NELL1: variants seen among roughly 807,000 people sequenced by gnomAD.
The protein encoded by NELL1 is neural EGFL like 1, also known as protein kinase C-binding protein NELL1.
NELL1 carries 76 observed loss-of-function variants against 107.4 expected under a neutral mutation model. The ratio of observed to expected loss-of-function variants is 0.71; its 90% CI spans 0.59 to 0.86. NELL1 has a LOEUF of 0.86. NELL1 is among the 40% of genes least tolerant of loss of function. The pLI is 0.00. For missense variants in NELL1, 1,024 were observed against 1,005.5 expected (o/e 1.02, Z -0.25); for synonymous variants, 353 against 341.2 (o/e 1.03, Z -0.38).
intron 14 of NELL1, among the ~76,000 whole-genome samples, chr11:21,336,594 G>T (rs965395531): frequency 6.7e-6 from 1 of 150,350 alleles, no homozygotes; most frequent in African/African-American, 2.4e-5. Flanking sequence ...TAGAATTCAG[G>T]TCTTTTTCTT....
intron 12 of NELL1, among the ~76,000 whole-genome samples, chr11:21,078,866 T>C (rs1306601389): frequency 6.6e-6 from 1 of 152,064 alleles, no homozygotes. Flanking sequence ...ATAAAACATA[T>C]AGATTTTTAA....
At chr11:21,048,907 G>A (rs1274855095) in intron 12 of NELL1, among the ~76,000 whole-genome samples, 1 of 152,078 alleles carries the variant, frequency 6.6e-6, no homozygotes, top group East Asian at 1.9e-4. Context: ...TGCTTCCCCA[G>A]AAAGCACACT....
chr11:21,123,240 G>A (rs1855410822), intron 13 of NELL1, among the ~76,000 whole-genome samples: 1 of 151,998 alleles, frequency 6.6e-6, no homozygotes, highest in South Asian at 2.1e-4. Flanking sequence ...TATCCCCTGA[G>A]GCTTGGGCAG....
intron 16 of NELL1, among the ~76,000 whole-genome samples, chr11:21,559,437 C>T (rs960344507): frequency 6.6e-6 from 1 of 152,080 alleles, no homozygotes; most frequent in African/African-American, 2.4e-5. Context: ...GTTAAGGTCG[C>T]TCAAGCTTTA....
chr11:20,717,961 A>G (rs1168801802), intron 2 of NELL1, among the ~76,000 whole-genome samples: 1 of 152,136 alleles, frequency 6.6e-6, no homozygotes, highest in Non-Finnish European at 1.5e-5. Flanking sequence ...AAAACCCCAA[A>G]GAGGTTTGTT....
At chr11:21,227,817 A>T (rs1857933145) in intron 13 of NELL1, among the ~76,000 whole-genome samples, 1 of 152,206 alleles carries the variant, frequency 6.6e-6, no homozygotes, top group Non-Finnish European at 1.5e-5. Flanking sequence ...AAATTCAACT[A>T]TTAAATCAAC....
intron 3 of NELL1, among the ~76,000 whole-genome samples, chr11:20,820,714 T>C (rs535935410): frequency 3.1e-4 from 47 of 152,266 alleles, no homozygotes; most frequent in Non-Finnish European, 5.9e-4. Context: ...CTATTTCTCT[T>C]GTCAAAGAAT....
intron 4 of NELL1, among the ~76,000 whole-genome samples, chr11:20,872,381 A>G (rs2134089252): frequency 6.6e-6 from 1 of 152,080 alleles, no homozygotes; most frequent in East Asian, 1.9e-4. Context: ...ATGTTTTGCC[A>G]TGTTGCTCAG....
chr11:21,314,879 A>G (rs955702801), intron 14 of NELL1, among the ~76,000 whole-genome samples: 4 of 145,694 alleles, frequency 2.7e-5, no homozygotes, highest in African/African-American at 1.1e-4. Flanking sequence ...TTTTTTTGAG[A>G]CAAATCTCAC....
At chr11:21,103,545 C>T (rs1590638742) in intron 12 of NELL1, among the ~76,000 whole-genome samples, 1 of 152,140 alleles carries the variant, frequency 6.6e-6, no homozygotes, top group African/African-American at 2.4e-5. Flanking sequence ...TGAATTGATA[C>T]ATGCAAAATG....
At chr11:20,938,677 A>C (rs1478034540) in intron 10 of NELL1, among the ~76,000 whole-genome samples, 1 of 152,070 alleles carries the variant, frequency 6.6e-6, no homozygotes, top group African/African-American at 2.4e-5. Flanking sequence ...ATGAGGGAGA[A>C]GGCACGTTCC....
chr11:21,265,172 G>A (rs1054083385), intron 14 of NELL1, among the ~76,000 whole-genome samples: 2 of 151,946 alleles, frequency 1.3e-5, no homozygotes, highest in Non-Finnish European at 1.5e-5. Context: ...ACTTTCGTGA[G>A]TAGACTATAA....
chr11:20,764,725 T>C (rs922368608), intron 2 of NELL1, among the ~76,000 whole-genome samples: 2 of 147,830 alleles, frequency 1.4e-5, no homozygotes, highest in African/African-American at 2.5e-5. Context: ...CTGGAGGGAG[T>C]TGGGAGGAGG....
intron 16 of NELL1, among the ~76,000 whole-genome samples, chr11:21,547,400 G>A (rs540520978): frequency 3.3e-5 from 5 of 151,780 alleles, no homozygotes; most frequent in Non-Finnish European, 7.4e-5. Flanking sequence ...TTTGACTTAG[G>A]TGAGGAATAA....
At chr11:21,404,011 C>CCT (rs1554905742) in intron 15 of NELL1, among the ~76,000 whole-genome samples, 1 of 109,482 alleles carries the variant, frequency 9.1e-6, no homozygotes, top group Non-Finnish European at 1.9e-5. Context: ...CTGAACCCCC[C>CCT]CCCCCGCAAT....
intron 3 of NELL1, among the ~76,000 whole-genome samples, chr11:20,843,704 TA>T (rs1388449670): frequency 7.9e-6 from 1 of 126,146 alleles, no homozygotes; most frequent in African/African-American, 2.6e-5. Context: ...CAAAATAGGA[TA>T]CTTTGGTATC....
chr11:20,988,446 T>TATATATAC (rs1851899069), intron 12 of NELL1, among the ~76,000 whole-genome samples: 3 of 134,022 alleles, frequency 2.2e-5, no homozygotes, highest in Admixed American at 7.2e-5. Context: ...TATCTATATA[T>TATATATAC]ACACATGTAC....
At chr11:21,189,150 C>T (rs929642361) in intron 13 of NELL1, among the ~76,000 whole-genome samples, 2 of 151,860 alleles carry the variant, frequency 1.3e-5, no homozygotes, top group Admixed American at 6.6e-5. Context: ...TGTAGCTCTT[C>T]ATTTTAATTA....
At chr11:20,681,352 C>G (rs569965691) in intron 2 of NELL1, among the ~76,000 whole-genome samples, 101 of 152,244 alleles carry the variant, frequency 6.6e-4, no homozygotes, top group South Asian at 4.1e-3. Flanking sequence ...TTCCACATAA[C>G]TACAGGACAA....
Sources: allele counts gnomAD v4.1 joint callset (sites outside exome capture counted in the v4.1 genomes callset), GRCh38; gene constraint gnomAD v4.1.1; transcripts MANE v1.5; gene names NCBI Gene and HGNC (gene_info 2026-07-23, HGNC 2026-07-21).